The following ENPEP variants were observed in gnomAD, a reference collection of about 807,000 sequenced individuals.
The protein encoded by ENPEP is glutamyl aminopeptidase.
In ENPEP, 103 loss-of-function variants were observed where a neutral mutation model predicts 114.5. The observed-to-expected ratio is 0.90, with a 90% CI of 0.77 to 1.06. The LOEUF (loss-of-function observed/expected upper bound fraction) is 1.06, where lower values mean the gene tolerates loss of function less well. ENPEP is among the 50% of genes least tolerant of loss of function. ENPEP has a pLI of 0.00. For missense variants in ENPEP, 1,196 were observed against 1,161.3 expected (o/e 1.03, Z -0.43); for synonymous variants, 420 against 422.0 (o/e 1.00, Z 0.06).
At chr4:110,536,379 C>A (rs1236765610) in intron 11 of ENPEP, among the ~76,000 whole-genome samples, 1 of 152,188 alleles carries the variant, frequency 6.6e-6, no homozygotes, top group Non-Finnish European at 1.5e-5. Flanking sequence ...CTTCTTATGG[C>A]TTTACCATCC....
intron 11 of ENPEP, among the ~76,000 whole-genome samples, chr4:110,538,803 T>C (rs1286131149): frequency 6.6e-6 from 1 of 152,164 alleles, no homozygotes; most frequent in South Asian, 2.1e-4. Context: ...TGAAGAATGA[T>C]TGATTGGGCT....
chr4:110,486,174 T>A (rs773305153), intron 1 of ENPEP, among the ~76,000 whole-genome samples: 36 of 152,216 alleles, frequency 2.4e-4, no homozygotes, highest in Non-Finnish European at 4.4e-4. Context: ...TTATTCATTT[T>A]AAAAAATCAG....
chr4:110,476,764 G>T lies in ENPEP; in HGVS notation c.350G>T (p.Gly117Val). Residue 117 changes from glycine (G) to valine (V), a missense_variant, in exon 1 of 20, where the codon GGC (glycine) becomes GTC (valine). By Grantham distance (109) the Gly-to-Val change is moderately radical (BLOSUM62 -3). Transcript: ENST00000265162. The part of the protein sequence containing the change: ...KPLLEEDTYT[G>V]TVSISINLSA... ...CTGTTGGAGGAGGACACCTACACGG[G>T]CACCGTGAGCATCTCCATCAACCTG... 2 of 1,614,154 alleles carry T rather than the reference G, an allele frequency of 1.2e-6. No homozygotes were observed. Among genetic ancestry groups the T allele is most frequent in the Non-Finnish European group, 1.7e-6 (2 of 1,180,032 alleles).
intron 1 of ENPEP, among the ~76,000 whole-genome samples, chr4:110,482,856 A>G (rs1396092436): frequency 6.6e-6 from 1 of 152,108 alleles, no homozygotes; most frequent in Non-Finnish European, 1.5e-5. Context: ...TAAAAATACA[A>G]AAATTAGCCG....
intron 18 of ENPEP, among the ~76,000 whole-genome samples, chr4:110,554,542 A>AGTGT (rs140987098): frequency 1.3e-5 from 2 of 150,464 alleles, no homozygotes; most frequent in Admixed American, 6.6e-5. Context: ...TGTGCATGTG[A>AGTGT]GTGTGTGTGT....
chr4:110,509,670 G>A lies in ENPEP; in HGVS notation c.1057G>A (p.Asp353Asn). The change falls in exon 5 of 20, where the codon GAT becomes AAT. Residue 353 changes from aspartate to asparagine, a missense_variant. By Grantham distance (23) the Asp-to-Asn change is conservative. Transcript: ENST00000265162. ...LPKLDKIAIPDFGTGAMENWG... is the reference protein window; with the variant it reads ...LPKLDKIAIPNFGTGAMENWG... ...TTCTATAGATAAAATCGCTATTCCA[G>A]ATTTTGGCACTGGTGCCATGGAGAA... The A allele has an allele frequency of 1.2e-6, 2 of 1,612,712 alleles. No individual in the cohort carries two copies. The highest frequency in any genetic ancestry group is 1.7e-6 in the Non-Finnish European group (2 of 1,179,676).
At chr4:110,525,495 C>A (rs186368511) in intron 10 of ENPEP, among the ~76,000 whole-genome samples, 3 of 152,228 alleles carry the variant, frequency 2.0e-5, no homozygotes, top group African/African-American at 7.2e-5. Flanking sequence ...TTCCCACCCA[C>A]GTGTCCTCTA....
At chr4:110,535,992 A>G (rs984028119) in intron 11 of ENPEP, among the ~76,000 whole-genome samples, 4 of 151,820 alleles carry the variant, frequency 2.6e-5, no homozygotes, top group Admixed American at 2.0e-4. Flanking sequence ...CTGTAATGCC[A>G]GCTACTCGGG....
chr4:110,508,959 T>C (rs968615481), intron 4 of ENPEP, among the ~76,000 whole-genome samples: 6 of 152,218 alleles, frequency 3.9e-5, no homozygotes, highest in African/African-American at 1.4e-4. Flanking sequence ...GTTCATTAAC[T>C]GGGGAAGCTG....
intron 3 of ENPEP, among the ~76,000 whole-genome samples, chr4:110,504,042 G>A (rs1184318458): frequency 6.6e-6 from 1 of 152,130 alleles, no homozygotes; most frequent in Non-Finnish European, 1.5e-5. Context: ...GGCACTCCTG[G>A]GCTGCTCACC....
At chr4:110,520,579 A>G (rs938370166) in intron 10 of ENPEP, among the ~76,000 whole-genome samples, 1 of 152,190 alleles carries the variant, frequency 6.6e-6, no homozygotes, top group Non-Finnish European at 1.5e-5. Flanking sequence ...TGTTCTTTAC[A>G]GATATTGAAG....
intron 2 of ENPEP, among the ~76,000 whole-genome samples, chr4:110,489,785 G>A (rs1724635233): frequency 6.6e-6 from 1 of 152,026 alleles, no homozygotes; most frequent in Non-Finnish European, 1.5e-5. Flanking sequence ...TCATCTTTAG[G>A]TATAATAATC....
intron 4 of ENPEP, among the ~76,000 whole-genome samples, chr4:110,508,671 C>T (rs536892906): frequency 1.8e-4 from 28 of 152,058 alleles, no homozygotes; most frequent in South Asian, 1.2e-3. Context: ...ATTAGCCAGG[C>T]GCGGTGGCGG....
At chr4:110,558,330 C>A (rs1316046493) in intron 18 of ENPEP, among the ~76,000 whole-genome samples, 1 of 150,060 alleles carries the variant, frequency 6.7e-6, no homozygotes, top group Admixed American at 6.7e-5. Flanking sequence ...CTCTGTCACC[C>A]AGGCTGGAGT....
rs919367269 is a variant in ENPEP, at chr4:110,519,956, A to G, written c.1510-52A>G. 24 of 1,535,418 alleles carry G rather than the reference A, an allele frequency of 1.6e-5. 1 individual carries two copies. Among genetic ancestry groups the G allele is most frequent in the Admixed American group, 1.7e-5 (1 of 59,020 alleles). On this transcript the variant is annotated intron_variant, in intron 8 of 19. Transcript: ENST00000265162. ...GGGGTTCAGTTCATCTTGTGAAAGT[A>G]TGAGAAAAGCAAACATTGACTTCTA...
chr4:110,540,762 A>G (rs776736907), intron 11 of ENPEP, among the ~76,000 whole-genome samples: 13 of 152,180 alleles, frequency 8.5e-5, no homozygotes, highest in Non-Finnish European at 1.6e-4. Flanking sequence ...AACTGGCAGC[A>G]TATCCCCTTT....
In ENPEP at chr4:110,488,682, G is replaced by A. The variant is rs1322821981; in HGVS notation, c.786G>A (p.Ala262=). 14 of 1,606,228 alleles carry A rather than the reference G, an allele frequency of 8.7e-6. No individual in the cohort carries two copies. The highest frequency in any genetic ancestry group is 4.5e-5 in the South Asian group (4 of 89,272). The change falls in exon 2 of 20, where the codon GCG becomes GCA. Residue 262 remains alanine (A), a splice_region_variant and synonymous_variant. Coordinates refer to ENST00000265162, the MANE Select transcript of ENPEP (RefSeq NM_001977.4). The part of the protein sequence containing the change: ...EYGALSNMPV[A]KEESVDDKWT... ...GAGCACTTTCAAATATGCCAGTGGC[G>A]GTAAGTATTTTTTAAATGTTTTGTT...
At chr4:110,508,084 AT>A (rs960441601) in intron 4 of ENPEP, among the ~76,000 whole-genome samples, 28 of 152,234 alleles carry the variant, frequency 1.8e-4, no homozygotes, top group African/African-American at 6.7e-4. Context: ...AATCTCACAA[AT>A]TTATTACTCT....
At chr4:110,540,656 A>G (rs988438170) in intron 11 of ENPEP, among the ~76,000 whole-genome samples, 2 of 152,178 alleles carry the variant, frequency 1.3e-5, no homozygotes, top group Admixed American at 6.5e-5. Context: ...AGACAGGCTT[A>G]ACTAGGTACA....
Sources: allele counts gnomAD v4.1 joint callset (sites outside exome capture counted in the v4.1 genomes callset), GRCh38; gene constraint gnomAD v4.1.1; transcripts MANE v1.5; gene names NCBI Gene and HGNC (gene_info 2026-07-23, HGNC 2026-07-21).